FAM13C: variants seen among roughly 807,000 people sequenced by gnomAD.
FAM13C encodes the protein family with sequence similarity 13 member C, also known as protein FAM13C.
Under a neutral mutation model 73.2 loss-of-function variants are expected in FAM13C, and 37 were observed. The observed-to-expected ratio is 0.51, with a 90% confidence interval of 0.39 to 0.67. The LOEUF is 0.67. Among genes scored for constraint, FAM13C ranks in the 30% least tolerant of loss-of-function variants. The probability of loss-of-function intolerance (pLI) is 0.00; values close to 1 mark genes in which losing one functional copy is unlikely to be tolerated. For synonymous variants in FAM13C, 246 were observed against 260.9 expected (o/e 0.94, Z 0.55); for missense variants, 589 against 715.6 (o/e 0.82, Z 2.02).
intron 4 of FAM13C, among the ~76,000 whole-genome samples, chr10:59,308,288 A>G (rs1360149481): frequency 6.6e-6 from 1 of 151,632 alleles, no homozygotes; most frequent in East Asian, 1.9e-4. Flanking sequence ...TGAGCATGTG[A>G]TATCTCCAAC....
intron 5 of FAM13C, among the ~76,000 whole-genome samples, chr10:59,295,132 G>C (rs931424111): frequency 6.6e-6 from 1 of 152,218 alleles, no homozygotes; most frequent in Non-Finnish European, 1.5e-5. Context: ...GGGAAGGAGA[G>C]ACTCTTATTT....
At chr10:59,343,969 T>C (rs766422740) in intron 3 of FAM13C, among the ~76,000 whole-genome samples, 1 of 101,816 alleles carries the variant, frequency 9.8e-6, no homozygotes, top group Admixed American at 8.9e-5. Context: ...TTCTTTTTTC[T>C]TTTTTTTTTT....
intron 8 of FAM13C, among the ~76,000 whole-genome samples, chr10:59,265,332 G>C (rs796132598): frequency 0.01 from 480 of 46,036 alleles, 150 homozygotes; most frequent in African/African-American, 0.063. Context: ...CGGGGGGGGG[G>C]GGGAATCCTG....
intron 4 of FAM13C, among the ~76,000 whole-genome samples, chr10:59,308,254 C>G (rs1259461756): frequency 1.3e-5 from 2 of 152,128 alleles, no homozygotes; most frequent in Non-Finnish European, 2.9e-5. Context: ...CTCCTCAGAG[C>G]CCAATTATGG....
chr10:59,328,525 T>A (rs1487827912), intron 3 of FAM13C, among the ~76,000 whole-genome samples: 2 of 150,820 alleles, frequency 1.3e-5, no homozygotes, highest in Non-Finnish European at 2.9e-5. Flanking sequence ...TATTCCATTC[T>A]AATCCCACCA....
At chr10:59,297,223 T>C (rs1847023899) in intron 5 of FAM13C, 1 of 152,230 alleles carries the variant, frequency 6.6e-6, no homozygotes, top group Non-Finnish European at 1.5e-5. Context: ...AGAGAACTTG[T>C]GCTTGCCTTT....
intron 5 of FAM13C, among the ~76,000 whole-genome samples, chr10:59,289,593 A>G (rs1440120018): frequency 2.0e-5 from 3 of 152,240 alleles, no homozygotes; most frequent in Non-Finnish European, 4.4e-5. Context: ...TGGGGCTTCC[A>G]GTCTAGTGGG....
rs571158333 is a variant in FAM13C, at chr10:59,325,064, TAATAAATGAGATACTAAAACAA to T, written c.325-980_325-959del. Among the ~76,000 whole-genome samples, 206 of 152,316 alleles carry T rather than the reference TAATAAATGAGATACTAAAACAA, an allele frequency of 1.4e-3. 1 individual carries two copies. Among genetic ancestry groups the T allele is most frequent in the African/African-American group, 4.9e-3 (204 of 41,578 alleles). On this transcript the variant is annotated intron_variant, in intron 3 of 13. Coordinates refer to ENST00000618804, the MANE Select transcript of FAM13C (RefSeq NM_198215.4). ...AGAATAAAATAGCCCTTCTTTAACC[TAATAAATGAGATACTAAAACAA>T]AAATCTGCGAGAAATTCAGTAGCTC...
At chr10:59,329,796 C>T (rs1464180676) in intron 3 of FAM13C, among the ~76,000 whole-genome samples, 7 of 152,250 alleles carry the variant, frequency 4.6e-5, no homozygotes, top group East Asian at 3.9e-4. Context: ...ATTCACTGAG[C>T]GCTTGCTCTG....
At chr10:59,283,575 A>G in intron 5 of FAM13C, 128 bp from the exon 6 acceptor site, 1 of 871,094 alleles carries the variant, frequency 1.1e-6, no homozygotes, top group Non-Finnish European at 1.9e-6. Flanking sequence ...GTGTGTCCGC[A>G]GCTCCCGCAA....
chr10:59,276,727 G>A (rs1464669678), intron 6 of FAM13C, among the ~76,000 whole-genome samples: 1 of 152,156 alleles, frequency 6.6e-6, no homozygotes, highest in African/African-American at 2.4e-5. Flanking sequence ...AAATGACATG[G>A]AAGAAGAAAT....
chr10:59,331,194 G>A (rs1435610535), intron 3 of FAM13C, among the ~76,000 whole-genome samples: 1 of 152,210 alleles, frequency 6.6e-6, no homozygotes, highest in Non-Finnish European at 1.5e-5. Context: ...TTGAAGTATA[G>A]TATGATCAAT....
intron 6 of FAM13C, among the ~76,000 whole-genome samples, chr10:59,280,940 ATTC>A (rs1230760439): frequency 6.6e-6 from 1 of 152,214 alleles, no homozygotes; most frequent in African/African-American, 2.4e-5. Flanking sequence ...ATATCCAGGT[ATTC>A]TTATGAAAAT....
At chr10:59,336,761 C>T (rs1852775237) in intron 3 of FAM13C, among the ~76,000 whole-genome samples, 1 of 152,190 alleles carries the variant, frequency 6.6e-6, no homozygotes, top group Non-Finnish European at 1.5e-5. Context: ...GAAACTCCCT[C>T]TTATGGTAAA....
At chr10:59,314,741 G>T (rs1260364807) in intron 4 of FAM13C, among the ~76,000 whole-genome samples, 1 of 152,072 alleles carries the variant, frequency 6.6e-6, no homozygotes, top group African/African-American at 2.4e-5. Flanking sequence ...GCATCTGCAG[G>T]ATCATCAGAG....
At chr10:59,330,983 C>T (rs183047894) in intron 3 of FAM13C, among the ~76,000 whole-genome samples, 1 of 152,258 alleles carries the variant, frequency 6.6e-6, no homozygotes, top group Non-Finnish European at 1.5e-5. Context: ...CTAGGATTCA[C>T]AAACTGGTCA....
At chr10:59,352,554 T>C (rs966691756) in intron 2 of FAM13C, 80 bp from the exon 3 acceptor site, 1 of 1,390,170 alleles carries the variant, frequency 7.2e-7, no homozygotes, top group Non-Finnish European at 9.6e-7. Flanking sequence ...GCTGGAGATA[T>C]TCATTGCTGC....
intron 8 of FAM13C, 88 bp downstream of exon 8, chr10:59,268,465 A>G: frequency 6.4e-7 from 1 of 1,551,536 alleles, no homozygotes; most frequent in Non-Finnish European, 8.7e-7. Context: ...CTGGCAAAGA[A>G]GGGCACCCAG....
intron 5 of FAM13C, among the ~76,000 whole-genome samples, chr10:59,290,605 C>G (rs1446523133): frequency 5.3e-5 from 8 of 152,168 alleles, no homozygotes; most frequent in Admixed American, 5.2e-4. Context: ...AAGATCCCAT[C>G]AAATTATTGA....
Sources: allele counts gnomAD v4.1 joint callset (sites outside exome capture counted in the v4.1 genomes callset), GRCh38; gene constraint gnomAD v4.1.1; transcripts MANE v1.5; gene names NCBI Gene and HGNC (gene_info 2026-07-23, HGNC 2026-07-21).